Variants in UTS2B observed in about 807,000 individuals in gnomAD.
The protein encoded by UTS2B is urotensin-2B.
A neutral mutation model predicts 19.2 loss-of-function variants in UTS2B; 21 were observed. That is an observed-to-expected ratio of 1.09 (90% CI 0.78 to 1.58). UTS2B has a LOEUF of 1.58. Ranked by LOEUF, UTS2B falls within the 40% of genes most tolerant of loss-of-function variation. UTS2B has a pLI of 0.00. For missense variants in UTS2B, 138 were observed against 130.3 expected, an observed-to-expected ratio of 1.06 and a Z score of -0.29; for synonymous variants, 57 against 50.2, an observed-to-expected ratio of 1.14 and a Z score of -0.58.
At chr3:191,270,886 G>A (rs1716073468) in intron 8 of UTS2B, among the ~76,000 whole-genome samples, 1 of 152,000 alleles carries the variant, frequency 6.6e-6, no homozygotes, top group Admixed American at 6.6e-5. Flanking sequence ...TCTTCCTCAG[G>A]AAATGACCTT....
chr3:191,292,119 GAA>G (rs58089139), intron 4 of UTS2B, among the ~76,000 whole-genome samples: 2 of 145,978 alleles, frequency 1.4e-5, no homozygotes, highest in Non-Finnish European at 1.5e-5. Context: ...GCCAATTTCT[GAA>G]AAAAAAAAAA....
At chr3:191,300,622 G>A (rs978796636) in intron 4 of UTS2B, among the ~76,000 whole-genome samples, 10 of 152,166 alleles carry the variant, frequency 6.6e-5, no homozygotes, top group Admixed American at 1.3e-4. Context: ...AGAATGACAT[G>A]GTTTGGTTCT....
chr3:191,325,128 T>C (rs181357688), intron 2 of UTS2B, among the ~76,000 whole-genome samples: 18 of 152,248 alleles, frequency 1.2e-4, no homozygotes, highest in African/African-American at 4.3e-4. Flanking sequence ...TGTATGTTTA[T>C]GTATACACTG....
intron 4 of UTS2B, among the ~76,000 whole-genome samples, chr3:191,286,886 A>C (rs768934145): frequency 4.6e-5 from 7 of 151,338 alleles, no homozygotes; most frequent in Non-Finnish European, 8.9e-5. Flanking sequence ...TAAGATAAAA[A>C]GTGAGAAGAC....
chr3:191,337,089 G>A, the UTS2B span, among the ~76,000 whole-genome samples: 1 of 151,956 alleles, frequency 6.6e-6, no homozygotes, highest in African/African-American at 2.4e-5. Context: ...CTTACATACT[G>A]TAGAGGCAGA....
At chr3:191,328,162 C>T (rs950213705) in intron 2 of UTS2B, 53 of 152,134 alleles carry the variant, frequency 3.5e-4, no homozygotes, top group African/African-American at 1.3e-3. Context: ...GCCTAAAATC[C>T]ACCTACTTTT....
intron 4 of UTS2B, among the ~76,000 whole-genome samples, chr3:191,296,240 C>A (rs1716854867): frequency 6.6e-6 from 1 of 151,170 alleles, no homozygotes; most frequent in Non-Finnish European, 1.5e-5. Flanking sequence ...GAGGCATACT[C>A]CCCTTCCCCA....
At chr3:191,329,585 C>G (rs1030080788) in intron 1 of UTS2B, 19 of 1,388,746 alleles carry the variant, frequency 1.4e-5, no homozygotes, top group Non-Finnish European at 1.9e-5. Context: ...TGCGCCGCGT[C>G]CGGCGCTGCT....
At chr3:191,313,264 G>A (rs1717353957) in intron 3 of UTS2B, among the ~76,000 whole-genome samples, 1 of 152,038 alleles carries the variant, frequency 6.6e-6, no homozygotes. Flanking sequence ...CAAAGTGCTG[G>A]GATTACAGAT....
intron 1 of UTS2B, among the ~76,000 whole-genome samples, chr3:191,329,956 G>A: frequency 7.8e-6 from 1 of 127,732 alleles, no homozygotes; most frequent in Non-Finnish European, 1.7e-5. Flanking sequence ...GGGGGGGGGG[G>A]CTAGCAGCAG....
intron 4 of UTS2B, among the ~76,000 whole-genome samples, chr3:191,291,475 CAG>C (rs1327867099): frequency 2.0e-5 from 3 of 151,218 alleles, no homozygotes; most frequent in African/African-American, 7.3e-5. Context: ...TTTTTTGAGA[CAG>C]AGTCTCACTC....
chr3:191,341,253 A>C, the UTS2B span, among the ~76,000 whole-genome samples: 3 of 152,208 alleles, frequency 2.0e-5, no homozygotes, highest in African/African-American at 7.2e-5. Context: ...ATTAACTTTA[A>C]TGAGGCCAAT....
intron 2 of UTS2B, among the ~76,000 whole-genome samples, chr3:191,325,577 G>A (rs1717724985): frequency 2.0e-5 from 3 of 152,158 alleles, no homozygotes; most frequent in South Asian, 4.1e-4. Flanking sequence ...AATAGGGTTG[G>A]GGAACTTACA....
intron 8 of UTS2B, among the ~76,000 whole-genome samples, chr3:191,269,431 C>A (rs1716027145): frequency 6.6e-6 from 1 of 152,098 alleles, no homozygotes; most frequent in South Asian, 2.1e-4. Context: ...CCTGCGAAAG[C>A]AGAAGTCTAT....
chr3:191,340,043 A>G, the UTS2B span, among the ~76,000 whole-genome samples: 1 of 152,230 alleles, frequency 6.6e-6, no homozygotes, highest in Non-Finnish European at 1.5e-5. Flanking sequence ...TACATGATGT[A>G]TAATACTTGT....
chr3:191,294,795 G>A (rs1027582542), intron 4 of UTS2B: 6 of 151,128 alleles, frequency 4.0e-5, no homozygotes, highest in Non-Finnish European at 7.4e-5. Flanking sequence ...TTGGGAGGCA[G>A]AGGCTGGTGG....
At chr3:191,331,449 C>T (rs1185418522), upstream of UTS2B, among the ~76,000 whole-genome samples, 2 of 152,330 alleles carry the variant, frequency 1.3e-5, no homozygotes, top group African/African-American at 4.8e-5. Context: ...TCCATTTCCA[C>T]ACTCTAGAGT....
At chr3:191,300,480 C>T (rs1716968865) in intron 4 of UTS2B, among the ~76,000 whole-genome samples, 1 of 152,308 alleles carries the variant, frequency 6.6e-6, no homozygotes, top group South Asian at 2.1e-4. Flanking sequence ...AAGGCACTAG[C>T]TTTGTCTCAG....
chr3:191,344,526 C>T, the UTS2B span, among the ~76,000 whole-genome samples: 3 of 152,110 alleles, frequency 2.0e-5, no homozygotes, highest in Non-Finnish European at 4.4e-5. Flanking sequence ...GATGTTGGAT[C>T]GATAGAACAT....
Sources: allele counts gnomAD v4.1 joint callset (sites outside exome capture counted in the v4.1 genomes callset), GRCh38; gene constraint gnomAD v4.1.1; transcripts MANE v1.5; gene names NCBI Gene and HGNC (gene_info 2026-07-23, HGNC 2026-07-21).